CDH12: variants seen among roughly 807,000 people sequenced by gnomAD.
CDH12 encodes the protein cadherin 12.
CDH12 carries 41 observed loss-of-function variants against 74.1 expected under a neutral mutation model. The observed-to-expected ratio is 0.55, with a 90% CI of 0.43 to 0.72. The LOEUF (loss-of-function observed/expected upper bound fraction) is 0.72. CDH12 is among the 30% of genes least tolerant of loss of function. CDH12 has a pLI of 0.00. For missense variants in CDH12, 945 were observed against 977.2 expected, an observed-to-expected ratio of 0.97 and a Z score of 0.44; for synonymous variants, 399 against 355.0, an observed-to-expected ratio of 1.12 and a Z score of -1.39.
At chr5:22,038,840 C>T (rs1216929668) in intron 5 of CDH12, among the ~76,000 whole-genome samples, 2 of 152,098 alleles carry the variant, frequency 1.3e-5, no homozygotes, top group East Asian at 1.9e-4. Flanking sequence ...TGTGGTACCC[C>T]ACATCCCAGA....
At chr5:22,436,437 A>C (rs888085581) in intron 2 of CDH12, among the ~76,000 whole-genome samples, 1 of 151,182 alleles carries the variant, frequency 6.6e-6, no homozygotes. Flanking sequence ...GTTAAAGTAT[A>C]ATAAAAAAAA....
At chr5:21,831,581 G>C (rs1036109008) in intron 8 of CDH12, among the ~76,000 whole-genome samples, 1 of 152,130 alleles carries the variant, frequency 6.6e-6, no homozygotes, top group Non-Finnish European at 1.5e-5. Context: ...AGCAGGCTAA[G>C]GACTTGTGAA....
rs1750653630 is a variant in CDH12 at position 21,854,627 on chromosome 5, A to G, written c.646+44T>C. ...GCCAAGATTTAATTAAAGTTTAAAT[A>G]TTTGAAGGGCTGGTGATAATGTTGC... On this transcript the variant is annotated intron_variant, in intron 7 of 14. Transcript: ENST00000382254. The G allele has an allele frequency of 2.7e-6, 4 of 1,458,126 alleles. No homozygotes were observed. In the Admixed American group the frequency reaches 8.1e-5, roughly 29 times the overall value. The allele number at this position is 1,458,126 out of a possible 1,614,324, so 90.3% of individuals were successfully genotyped here.
intron 2 of CDH12, among the ~76,000 whole-genome samples, chr5:22,504,511 T>C (rs1736301535): frequency 6.6e-6 from 1 of 152,094 alleles, no homozygotes; most frequent in Non-Finnish European, 1.5e-5. Context: ...CTTTCTGAGT[T>C]GTTATATCAA....
chr5:22,693,899 T>G (rs918475007), intron 1 of CDH12, among the ~76,000 whole-genome samples: 1 of 152,192 alleles, frequency 6.6e-6, no homozygotes, highest in Non-Finnish European at 1.5e-5. Context: ...TATTTTGAAA[T>G]ATTTAGTTAT....
intron 4 of CDH12, among the ~76,000 whole-genome samples, chr5:22,163,683 G>T (rs1748493456): frequency 6.6e-6 from 1 of 152,100 alleles, no homozygotes; most frequent in Admixed American, 6.5e-5. Flanking sequence ...ATTGCCATTT[G>T]TAACAACACC....
intron 1 of CDH12, among the ~76,000 whole-genome samples, chr5:22,780,162 G>T (rs541962251): frequency 4.3e-4 from 65 of 152,222 alleles, no homozygotes; most frequent in African/African-American, 1.5e-3. Context: ...AAGGGAGGAG[G>T]ATCACTTGAG....
chr5:22,605,174 C>A (rs1345303383), intron 1 of CDH12, among the ~76,000 whole-genome samples: 1 of 152,196 alleles, frequency 6.6e-6, no homozygotes, highest in Non-Finnish European at 1.5e-5. Flanking sequence ...AAGAAAGCAT[C>A]CATCAGGCTG....
chr5:22,563,767 C>A (rs1739171885), intron 1 of CDH12, among the ~76,000 whole-genome samples: 1 of 152,258 alleles, frequency 6.6e-6, no homozygotes, highest in South Asian at 2.1e-4. Context: ...GGGGAGGCCC[C>A]ACGATCATGG....
At chr5:22,245,188 G>A (rs1161826159) in intron 3 of CDH12, among the ~76,000 whole-genome samples, 1 of 152,194 alleles carries the variant, frequency 6.6e-6, no homozygotes, top group Non-Finnish European at 1.5e-5. Context: ...TTGAAAAGAC[G>A]AAGGGGGATG....
At chr5:22,327,742 G>A (rs189715488) in intron 3 of CDH12, among the ~76,000 whole-genome samples, 1 of 152,188 alleles carries the variant, frequency 6.6e-6, no homozygotes, top group East Asian at 1.9e-4. Flanking sequence ...GTCATCTCCT[G>A]ATAAAATACC....
intron 5 of CDH12, among the ~76,000 whole-genome samples, chr5:22,061,203 G>A (rs1053605245): frequency 2.6e-5 from 4 of 151,950 alleles, no homozygotes; most frequent in Admixed American, 2.6e-4. Flanking sequence ...AATTTCTGTG[G>A]GAAATTCCAC....
At chr5:22,642,877 C>T (rs566600447) in intron 1 of CDH12, among the ~76,000 whole-genome samples, 18 of 152,038 alleles carry the variant, frequency 1.2e-4, no homozygotes, top group Admixed American at 5.2e-4. Flanking sequence ...AATTCAATTT[C>T]GTCCTTACTT....
intron 6 of CDH12, chr5:21,882,885 C>T: frequency 6.2e-7 from 1 of 1,602,138 alleles, no homozygotes; most frequent in Non-Finnish European, 8.5e-7. Flanking sequence ...TAAACTTGTT[C>T]AAGATGTTGC....
At chr5:22,275,895 T>C (rs1048129146) in intron 3 of CDH12, among the ~76,000 whole-genome samples, 6 of 152,172 alleles carry the variant, frequency 3.9e-5, no homozygotes, top group Admixed American at 1.3e-4. Context: ...GGTGATTTAA[T>C]TGGTGACAGA....
At chr5:21,789,129 A>G (rs1272429995) in intron 10 of CDH12, among the ~76,000 whole-genome samples, 1 of 152,080 alleles carries the variant, frequency 6.6e-6, no homozygotes, top group South Asian at 2.1e-4. Flanking sequence ...AAATATAGAA[A>G]TGTTTCTTCT....
At chr5:22,084,285 T>G (rs567671506) in intron 4 of CDH12, among the ~76,000 whole-genome samples, 1 of 152,304 alleles carries the variant, frequency 6.6e-6, no homozygotes, top group South Asian at 2.1e-4. Flanking sequence ...ATAGATGAGA[T>G]GGCAGCCTGT....
chr5:21,810,315 C>G (rs566160028), intron 9 of CDH12, among the ~76,000 whole-genome samples: 129 of 152,062 alleles, frequency 8.5e-4, no homozygotes, highest in African/African-American at 2.9e-3. Context: ...ATAGCCTTTG[C>G]AGTGGCAAAA....
At chr5:22,610,398 A>C (rs555030109) in intron 1 of CDH12, among the ~76,000 whole-genome samples, 1 of 152,304 alleles carries the variant, frequency 6.6e-6, no homozygotes, top group East Asian at 1.9e-4. Context: ...CATATAAATA[A>C]AATATTCAAT....
Sources: gnomAD v4.1 joint callset for allele counts (sites outside exome capture counted in the v4.1 genomes callset) on GRCh38, gnomAD v4.1.1 for gene constraint, MANE v1.5 for transcripts, NCBI Gene and HGNC (gene_info 2026-07-23, HGNC 2026-07-21) for gene names.